CRISPLD2: variants seen among roughly 807,000 people sequenced by gnomAD.
CRISPLD2 encodes cysteine rich secretory protein LCCL domain containing 2, also known as cysteine-rich secretory protein LCCL domain-containing 2.
Under a neutral mutation model 71.1 loss-of-function variants are expected in CRISPLD2, and 47 were observed. That is an observed-to-expected ratio of 0.66 (90% CI 0.52 to 0.84). CRISPLD2 has a LOEUF of 0.84. Among genes scored for constraint, CRISPLD2 ranks in the 40% least tolerant of loss-of-function variants. The pLI, the probability that CRISPLD2 is intolerant of heterozygous loss-of-function variation, is 0.00. For missense variants in CRISPLD2, 830 were observed against 651.1 expected, an observed-to-expected ratio of 1.27 and a Z score of -2.99; for synonymous variants, 317 against 250.1, an observed-to-expected ratio of 1.27 and a Z score of -2.52.
chr16:84,887,874 C>T (rs1371342586), intron 13 of CRISPLD2, among the ~76,000 whole-genome samples: 1 of 152,092 alleles, frequency 6.6e-6, no homozygotes. Context: ...GAAACTCCGT[C>T]TCAAAAAATA....
rs193290196 is a variant in CRISPLD2, at chr16:84,892,848, C to T, written c.1439+3485C>T. On this transcript the variant is annotated intron_variant, in intron 14 of 14. Transcript: ENST00000262424. ...GAAATTAGCTGGGCATGGTGGTGCA[C>T]GCCTGTAATGCCAGCTACTCGGGAG... is the stretch of plus-strand genomic sequence containing the variant. 2.6e-5 allele frequency among the ~76,000 whole-genome samples: 4 copies of T among 151,596 alleles called. No individual in the cohort carries two copies. In the East Asian group the frequency reaches 5.8e-4, roughly 22 times the overall value.
chr16:84,892,435 T>C (rs1455311893), intron 14 of CRISPLD2, among the ~76,000 whole-genome samples: 4 of 152,138 alleles, frequency 2.6e-5, no homozygotes, highest in Non-Finnish European at 5.9e-5. Context: ...CAGAGCCTGT[T>C]AGATGTGGAA....
chr16:84,889,448 T>C (rs981533436), intron 14 of CRISPLD2, 85 bp downstream of exon 14: 1 of 1,405,694 alleles, frequency 7.1e-7, no homozygotes, highest in Non-Finnish European at 9.5e-7. Flanking sequence ...CCAGAGTCAT[T>C]ACCCTTTAAA....
chr16:84,890,209 A>G (rs2071649260), intron 14 of CRISPLD2, among the ~76,000 whole-genome samples: 2 of 152,144 alleles, frequency 1.3e-5, no homozygotes, highest in African/African-American at 4.8e-5. Flanking sequence ...AATACAAAAA[A>G]TTAGCCAGGC....
At chr16:84,885,614 A>G (rs1040339597) in intron 13 of CRISPLD2, among the ~76,000 whole-genome samples, 1 of 152,160 alleles carries the variant, frequency 6.6e-6, no homozygotes, top group African/African-American at 2.4e-5. Context: ...TAGTTTATTT[A>G]TTGAAGAAGA....
chr16:84,854,629 G>A, intron 5 of CRISPLD2, 100 bp from the exon 6 acceptor site: 1 of 819,652 alleles, frequency 1.2e-6, no homozygotes. Context: ...TGACCTGTCA[G>A]TGGCGGTGTT....
At chr16:84,866,819 A>T in intron 6 of CRISPLD2, 78 bp from the exon 7 acceptor site, 1 of 1,410,404 alleles carries the variant, frequency 7.1e-7, no homozygotes, top group South Asian at 1.2e-5. Flanking sequence ...TTAGTTTTCA[A>T]ATTGCTTTTT....
At chr16:84,832,149 T>C (rs1237428285) in intron 1 of CRISPLD2, among the ~76,000 whole-genome samples, 1 of 152,266 alleles carries the variant, frequency 6.6e-6, no homozygotes, top group Non-Finnish European at 1.5e-5. Flanking sequence ...TAAAATCCCT[T>C]CAAACGATGC....
chr16:84,894,624 G>T (rs1567705166), intron 14 of CRISPLD2, among the ~76,000 whole-genome samples: 1 of 152,132 alleles, frequency 6.6e-6, no homozygotes, highest in Non-Finnish European at 1.5e-5. Flanking sequence ...GTTTCTAGAA[G>T]CCAAAGGAAG....
rs184411430 is a variant in CRISPLD2, at chr16:84,902,849, C to T, written c.1440-3739C>T. 3.9e-4 allele frequency among the ~76,000 whole-genome samples: 57 copies of T among 145,370 alleles called. 1 individual carries two copies. In the East Asian group the frequency reaches 9.6e-3, roughly 25 times the overall value. On this transcript the variant is annotated intron_variant, in intron 14 of 14. Coordinates refer to ENST00000262424, the MANE Select transcript of CRISPLD2 (RefSeq NM_031476.4). ...AGTGCAGTGGCGTGATCTCGCTCACCGCAACCTCCACCTCCTGGGTTCAAG... is the reference window on the plus strand; with the variant it reads ...AGTGCAGTGGCGTGATCTCGCTCACTGCAACCTCCACCTCCTGGGTTCAAG...
intron 7 of CRISPLD2, among the ~76,000 whole-genome samples, chr16:84,867,538 T>A (rs550574047): frequency 6.6e-6 from 1 of 152,342 alleles, no homozygotes; most frequent in South Asian, 2.1e-4. Context: ...AGCTGAGGTC[T>A]CCCTGTACAT....
At chr16:84,891,639 TC>T (rs2071663714) in intron 14 of CRISPLD2, among the ~76,000 whole-genome samples, 1 of 126,608 alleles carries the variant, frequency 7.9e-6, no homozygotes, top group South Asian at 2.5e-4. Flanking sequence ...GAGAAAACAG[TC>T]TTCCTGAGCA....
intron 6 of CRISPLD2, among the ~76,000 whole-genome samples, chr16:84,865,158 T>G (rs988196494): frequency 5.0e-5 from 7 of 139,146 alleles, no homozygotes; most frequent in Non-Finnish European, 8.3e-5. Context: ...AAACTTGGAT[T>G]TTTTTTTTTT....
At position 84,877,302 on chromosome 16, in the gene CRISPLD2, G is replaced by C. The variant is rs576673506; in HGVS notation, c.1157-136G>C. 1.8e-5 allele frequency: 12 copies of C among 659,984 alleles called. No homozygotes were observed. In the South Asian group the frequency reaches 2.7e-4, roughly 15 times the overall value. 40.9% of individuals were successfully genotyped at this position (659,984 alleles called of 1,614,324 possible). A position where few individuals can be genotyped will look rare whatever the true frequency, so the allele number is the denominator to read the frequency against. ...TACGTGGGGTACGAGGAGCCTGCTG[G>C]GTCGTAGTCCCAGCTCTATTCAAGG... On this transcript the variant is annotated intron_variant, in intron 11 of 14. Transcript: ENST00000262424.
chr16:84,843,650 A>G (rs1916835344), intron 2 of CRISPLD2, among the ~76,000 whole-genome samples: 1 of 152,230 alleles, frequency 6.6e-6, no homozygotes, highest in South Asian at 2.1e-4. Flanking sequence ...ATCAGTTCCA[A>G]GTAAATGTGA....
intron 6 of CRISPLD2, among the ~76,000 whole-genome samples, chr16:84,863,889 G>A (rs573185932): frequency 1.4e-5 from 2 of 146,954 alleles, no homozygotes; most frequent in Non-Finnish European, 3.0e-5. Context: ...CCCGGGCGGC[G>A]GAGGTTGCAG....
intron 1 of CRISPLD2, among the ~76,000 whole-genome samples, chr16:84,834,409 G>C (rs1204175156): frequency 2.0e-5 from 3 of 152,240 alleles, no homozygotes; most frequent in African/African-American, 7.2e-5. Flanking sequence ...AGCTGTCTCA[G>C]AAGTGAGGGT....
chr16:84,868,635 G>T (rs1258994962), intron 7 of CRISPLD2, among the ~76,000 whole-genome samples: 1 of 152,228 alleles, frequency 6.6e-6, no homozygotes, highest in African/African-American at 2.4e-5. Context: ...CTCAGAGAGG[G>T]GAAGCAAATT....
intron 14 of CRISPLD2, among the ~76,000 whole-genome samples, chr16:84,903,654 A>T (rs577718698): frequency 1.7e-3 from 256 of 152,192 alleles, no homozygotes; most frequent in Middle Eastern, 3.4e-3. Flanking sequence ...CAGTTACTAA[A>T]CGTTAGTGTA....
Sources: gnomAD v4.1 joint callset for allele counts (sites outside exome capture counted in the v4.1 genomes callset) on GRCh38, gnomAD v4.1.1 for gene constraint, MANE v1.5 for transcripts, NCBI Gene and HGNC (gene_info 2026-07-23, HGNC 2026-07-21) for gene names.